MPPED1: variants seen among roughly 807,000 people sequenced by gnomAD.
MPPED1 encodes the protein metallophosphoesterase domain-containing protein 1.
MPPED1 carries 16 observed loss-of-function variants against 36.2 expected under a neutral mutation model. The ratio of observed to expected loss-of-function variants is 0.44; its 90% CI spans 0.30 to 0.67. The LOEUF (loss-of-function observed/expected upper bound fraction) is 0.67, where lower values mean the gene tolerates loss of function less well. MPPED1 is among the 30% of genes least tolerant of loss of function. MPPED1 has a pLI of 0.10. For synonymous variants in MPPED1, 199 were observed against 191.3 expected (o/e 1.04, Z -0.33); for missense variants, 307 against 453.4 (o/e 0.68, Z 2.93).
At chr22:43,505,365 G>T (rs1046012984) in intron 6 of MPPED1, 133 bp from the exon 7 acceptor site, 30 of 668,688 alleles carry the variant, frequency 4.5e-5, no homozygotes, top group Non-Finnish European at 7.1e-5. Flanking sequence ...TGAAGGGACT[G>T]ACCTCGAGAG....
chr22:43,477,187 G>A (rs1458410409), intron 4 of MPPED1, among the ~76,000 whole-genome samples: 1 of 152,226 alleles, frequency 6.6e-6, no homozygotes, highest in Non-Finnish European at 1.5e-5. Flanking sequence ...CTGAACCTCT[G>A]TTATGTGTCA....
intron 1 of MPPED1, among the ~76,000 whole-genome samples, chr22:43,421,300 T>C (rs1929266007): frequency 6.6e-6 from 1 of 152,254 alleles, no homozygotes; most frequent in Non-Finnish European, 1.5e-5. Context: ...AAAGAAGCCG[T>C]TGCGTTTCCA....
chr22:43,482,496 A>T (rs1931781147), intron 4 of MPPED1, among the ~76,000 whole-genome samples: 1 of 152,124 alleles, frequency 6.6e-6, no homozygotes, highest in African/African-American at 2.4e-5. Flanking sequence ...CCCTCTTCAA[A>T]CAGCCAGGGC....
At chr22:43,450,586 G>A (rs1052684974) in intron 3 of MPPED1, among the ~76,000 whole-genome samples, 15 of 152,300 alleles carry the variant, frequency 9.8e-5, no homozygotes, top group Non-Finnish European at 7.4e-5. Context: ...GTGAGGCAGC[G>A]GGTGATCTGG....
At chr22:43,442,013 G>A (rs555807697) in intron 3 of MPPED1, among the ~76,000 whole-genome samples, 1 of 152,280 alleles carries the variant, frequency 6.6e-6, no homozygotes, top group South Asian at 2.1e-4. Context: ...CCCTCCCCTT[G>A]CAGGAGCAGG....
intron 1 of MPPED1, 150 bp downstream of exon 1, chr22:43,412,308 G>A: frequency 2.1e-6 from 1 of 467,662 alleles, no homozygotes; most frequent in Non-Finnish European, 2.8e-6. Context: ...CCGGGTGCGG[G>A]AAGCGGGCTG....
intron 1 of MPPED1, chr22:43,416,598 C>T (rs933455194): frequency 3.5e-4 from 54 of 152,232 alleles, no homozygotes; most frequent in African/African-American, 1.3e-3. Context: ...ACACATTTAC[C>T]TCCTATTTCC....
At chr22:43,464,629 T>C (rs1472080406) in intron 3 of MPPED1, among the ~76,000 whole-genome samples, 1 of 151,982 alleles carries the variant, frequency 6.6e-6, no homozygotes, top group Non-Finnish European at 1.5e-5. Flanking sequence ...GGGTGCAAGG[T>C]GGGAGGGGCC....
intron 3 of MPPED1, among the ~76,000 whole-genome samples, chr22:43,435,726 G>A (rs948798911): frequency 4.6e-5 from 7 of 152,082 alleles, no homozygotes; most frequent in African/African-American, 1.2e-4. Flanking sequence ...GTGTGGTGGC[G>A]GGCACCTGTA....
At chr22:43,447,830 A>AAT in intron 3 of MPPED1, among the ~76,000 whole-genome samples, 1 of 133,188 alleles carries the variant, frequency 7.5e-6, no homozygotes, top group South Asian at 2.3e-4. Flanking sequence ...TTTTTATATA[A>AAT]ATATAAAAAT....
chr22:43,495,962 G>T (rs1196665336), intron 4 of MPPED1, among the ~76,000 whole-genome samples: 348 of 141,464 alleles, frequency 2.5e-3, no homozygotes, highest in Middle Eastern at 3.7e-3. Context: ...GGAGGTGGTG[G>T]TGGTGGAGAT....
chr22:43,475,032 G>A, intron 4 of MPPED1, 71 bp downstream of exon 4: 1 of 1,411,644 alleles, frequency 7.1e-7, no homozygotes, highest in Non-Finnish European at 9.9e-7. Context: ...GGGGGTGTAG[G>A]GGATGGGAGT....
chr22:43,421,420 A>C (rs968054314), intron 1 of MPPED1, among the ~76,000 whole-genome samples: 1 of 152,210 alleles, frequency 6.6e-6, no homozygotes, highest in South Asian at 2.1e-4. Context: ...TTCCCGGCTG[A>C]GTCCCTTTGG....
At chr22:43,415,791 G>C (rs915056097) in intron 1 of MPPED1, among the ~76,000 whole-genome samples, 1 of 152,184 alleles carries the variant, frequency 6.6e-6, no homozygotes, top group African/African-American at 2.4e-5. Flanking sequence ...CTGAAAGTTT[G>C]TTTCTATAAA....
intron 4 of MPPED1, among the ~76,000 whole-genome samples, chr22:43,497,682 G>A (rs1036900224): frequency 1.3e-5 from 2 of 151,730 alleles, no homozygotes; most frequent in African/African-American, 2.4e-5. Flanking sequence ...TCCCAGCTGG[G>A]GATGGGCTCA....
chr22:43,449,422 A>ACCCCCAC (rs1930480300), intron 3 of MPPED1, among the ~76,000 whole-genome samples: 1 of 127,332 alleles, frequency 7.9e-6, no homozygotes, highest in Admixed American at 8.3e-5. Context: ...GACAGTGCCA[A>ACCCCCAC]CCCCCCCCGC....
chr22:43,450,883 C>A (rs1193581787), intron 3 of MPPED1, among the ~76,000 whole-genome samples: 1 of 152,100 alleles, frequency 6.6e-6, no homozygotes, highest in African/African-American at 2.4e-5. Context: ...TGTGCCACCA[C>A]GCCTAGCTAA....
In MPPED1 at chr22:43,501,824, C is replaced by T. The variant is rs139900043; in HGVS notation, c.749-820C>T. On this transcript the variant is annotated intron_variant, in intron 5 of 6. Transcript: ENST00000443721. The stretch of plus-strand genomic sequence containing the variant: ...TTTTCTCTGCTTTCCCCTCCTTCTC[C>T]CCCTCCTCCTCCTCCCTCATCTTTG... Among the ~76,000 whole-genome samples the T allele has an allele frequency of 7.1e-3, 1,082 of 151,812 alleles. 35 individuals carry two copies. The highest frequency in any genetic ancestry group is 0.053 in the Admixed American group (810 of 15,252).
At chr22:43,465,417 C>T (rs1012896161) in intron 3 of MPPED1, among the ~76,000 whole-genome samples, 8 of 152,250 alleles carry the variant, frequency 5.3e-5, no homozygotes, top group African/African-American at 1.7e-4. Flanking sequence ...GTGACCTCCC[C>T]GGCCCTTGCC....
Sources: gnomAD v4.1 joint callset for allele counts (sites outside exome capture counted in the v4.1 genomes callset) on GRCh38, gnomAD v4.1.1 for gene constraint, MANE v1.5 for transcripts, NCBI Gene and HGNC (gene_info 2026-07-23, HGNC 2026-07-21) for gene names.